The following SNTG1 variants were observed in gnomAD, a reference collection of about 807,000 sequenced individuals.
SNTG1 encodes the protein syntrophin gamma 1.
A neutral mutation model predicts 74.7 loss-of-function variants in SNTG1; 39 were observed. The observed-to-expected ratio is 0.52, with a 90% CI of 0.40 to 0.68. The LOEUF (loss-of-function observed/expected upper bound fraction) is 0.68. Ranked by LOEUF, SNTG1 falls within the 30% of genes least tolerant of loss-of-function variation. The probability of loss-of-function intolerance (pLI) is 0.00; values close to 1 mark genes in which losing one functional copy is unlikely to be tolerated. For missense variants in SNTG1, 685 were observed against 609.5 expected, an observed-to-expected ratio of 1.12 and a Z score of -1.30; for synonymous variants, 254 against 217.1, an observed-to-expected ratio of 1.17 and a Z score of -1.49.
At chr8:50,683,431 A>G (rs1386218193) in intron 15 of SNTG1, among the ~76,000 whole-genome samples, 2 of 152,152 alleles carry the variant, frequency 1.3e-5, no homozygotes, top group African/African-American at 4.8e-5. Flanking sequence ...GCCAGGCCAA[A>G]GATGATATCA....
Position 50,208,276 on chromosome 8 carries a change from A to G in SNTG1, c.-28+35641A>G, listed in dbSNP as rs1237485151. Among the ~76,000 whole-genome samples, 4 of 152,142 alleles carry G rather than the reference A, an allele frequency of 2.6e-5. No homozygotes were observed. In the South Asian group the frequency reaches 8.3e-4, roughly 32 times the overall value. On this transcript the variant is annotated intron_variant, in intron 2 of 18. Transcript: ENST00000642720. ...TATATTGGGTGCATATATATTTAGG[A>G]TAGTTAGCTCTTCTTGTTGAATTGA...
At chr8:50,002,300 G>A (rs951022572) in intron 1 of SNTG1, among the ~76,000 whole-genome samples, 3 of 151,818 alleles carry the variant, frequency 2.0e-5, no homozygotes, top group Non-Finnish European at 4.4e-5. Flanking sequence ...TTTTCTTTCT[G>A]ATTTTCCTTA....
chr8:50,450,808 T>G (rs992338044), intron 8 of SNTG1, 79 bp downstream of exon 8: 2 of 1,358,234 alleles, frequency 1.5e-6, no homozygotes, highest in African/African-American at 2.9e-5. Context: ...GACTGTCACT[T>G]CATTCATTAG....
chr8:50,383,126 C>T (rs1170007092), intron 2 of SNTG1, among the ~76,000 whole-genome samples: 2 of 152,170 alleles, frequency 1.3e-5, no homozygotes, highest in Non-Finnish European at 2.9e-5. Context: ...CAAGTTGACA[C>T]ATAAAAGTAA....
At position 50,125,124 on chromosome 8, in the gene SNTG1, A is replaced by G. The variant is rs886111155; in HGVS notation, c.-102-47437A>G. Among the ~76,000 whole-genome samples the G allele has an allele frequency of 1.4e-5, 2 of 142,362 alleles. 1 individual carries two copies. Among genetic ancestry groups the G allele is most frequent in the Admixed American group, 1.4e-4 (2 of 13,888 alleles). 93.4% of individuals were successfully genotyped at this position (142,362 alleles called of 152,430 possible). On this transcript the variant is annotated intron_variant, in intron 1 of 18. Transcript: ENST00000642720. ...TAGTCCAGAGTTCTGTAAAAAGATT[A>G]TGTGAATACAAAGCAATTACAGAGG...
chr8:50,364,455 C>G (rs1388229477), intron 2 of SNTG1, among the ~76,000 whole-genome samples: 1 of 152,066 alleles, frequency 6.6e-6, no homozygotes, highest in East Asian at 1.9e-4. Flanking sequence ...CTTTTTCTTT[C>G]TTTTTCTTTC....
intron 2 of SNTG1, among the ~76,000 whole-genome samples, chr8:50,180,922 G>A (rs1392135473): frequency 6.6e-6 from 1 of 151,910 alleles, no homozygotes; most frequent in Non-Finnish European, 1.5e-5. Flanking sequence ...CACCATGCCT[G>A]GCTAAATTTT....
At chr8:50,491,218 A>G (rs1368943725) in intron 8 of SNTG1, 2 of 152,328 alleles carry the variant, frequency 1.3e-5, no homozygotes, top group East Asian at 1.9e-4. Context: ...ACAGCCAACA[A>G]TTCAGTATTT....
chr8:50,018,622 A>C (rs1585915898), intron 1 of SNTG1, among the ~76,000 whole-genome samples: 1 of 152,180 alleles, frequency 6.6e-6, no homozygotes, highest in East Asian at 1.9e-4. Context: ...ATGATATCAA[A>C]AGCAAAAAAG....
intron 2 of SNTG1, among the ~76,000 whole-genome samples, chr8:50,185,674 C>CT (rs555253797): frequency 1.3e-5 from 2 of 152,032 alleles, no homozygotes; most frequent in African/African-American, 2.4e-5. Flanking sequence ...GAAATCACAC[C>CT]TTTTTTTACT....
At chr8:50,761,993 G>C (rs1342131229) in intron 18 of SNTG1, among the ~76,000 whole-genome samples, 1 of 151,884 alleles carries the variant, frequency 6.6e-6, no homozygotes, top group South Asian at 2.1e-4. Context: ...AATTACACTG[G>C]CATAGTTAAG....
chr8:50,571,817 G>T (rs1252585382), intron 12 of SNTG1, among the ~76,000 whole-genome samples: 1 of 152,160 alleles, frequency 6.6e-6, no homozygotes, highest in East Asian at 1.9e-4. Context: ...GTGTTAAGCA[G>T]TAGATGAAAG....
rs1816216757 is a variant in SNTG1, at chr8:50,015,383, C to A, written c.-103+103152C>A. Among the ~76,000 whole-genome samples the A allele has an allele frequency of 2.0e-5, 3 of 151,960 alleles. 1 individual carries two copies. The South Asian group carries it at 6.2e-4, about 32-fold the overall frequency. On this transcript the variant is annotated intron_variant, in intron 1 of 18. Coordinates refer to ENST00000642720, the MANE Select transcript of SNTG1 (RefSeq NM_018967.5). ...TGGAAAAACAATGAAGAAACATGAA[C>A]AAAGCCTCAGAGAAAAGTGAGACAC... is the stretch of plus-strand genomic sequence containing the variant.
intron 15 of SNTG1, among the ~76,000 whole-genome samples, chr8:50,688,308 A>T (rs1236200149): frequency 6.6e-6 from 1 of 152,000 alleles, no homozygotes; most frequent in Non-Finnish European, 1.5e-5. Flanking sequence ...TGCTTTTGGT[A>T]TTTTAGACAT....
Position 50,064,640 on chromosome 8 carries a change from A to C in SNTG1, c.-102-107921A>C, listed in dbSNP as rs147276174. 3.5e-3 allele frequency among the ~76,000 whole-genome samples: 535 copies of C among 152,230 alleles called. 4 individuals are homozygous for C. The highest frequency in any genetic ancestry group is 0.012 in the African/African-American group (516 of 41,556). On this transcript the variant is annotated intron_variant, in intron 1 of 18. Coordinates refer to ENST00000642720, the MANE Select transcript of SNTG1 (RefSeq NM_018967.5). ...ACAATCTGGCCCTGCCTACACCTCC[A>C]ACCTCATTTCTCCTGAATATGGGTT...
intron 4 of SNTG1, among the ~76,000 whole-genome samples, chr8:50,402,755 C>T (rs1017336132): frequency 2.6e-5 from 4 of 152,118 alleles, no homozygotes; most frequent in South Asian, 2.1e-4. Flanking sequence ...AATCAGGAGA[C>T]GTTAGGCAGC....
intron 14 of SNTG1, 132 bp downstream of exon 14, chr8:50,657,157 A>T: frequency 2.2e-6 from 1 of 455,576 alleles, no homozygotes; most frequent in East Asian, 3.7e-5. Context: ...AAATCAGTTT[A>T]TCTGATTTAA....
intron 2 of SNTG1, among the ~76,000 whole-genome samples, chr8:50,252,679 A>C (rs555662714): frequency 6.6e-6 from 1 of 152,216 alleles, no homozygotes; most frequent in East Asian, 1.9e-4. Flanking sequence ...GGAGTGGGGA[A>C]ATGCCACGTT....
At chr8:50,572,853 C>G (rs1356245197) in intron 12 of SNTG1, among the ~76,000 whole-genome samples, 1 of 152,102 alleles carries the variant, frequency 6.6e-6, no homozygotes, top group Non-Finnish European at 1.5e-5. Flanking sequence ...CCACACATCT[C>G]TAAAAAATTG....
Sources: allele counts gnomAD v4.1 joint callset (sites outside exome capture counted in the v4.1 genomes callset), GRCh38; gene constraint gnomAD v4.1.1; transcripts MANE v1.5; gene names NCBI Gene and HGNC (gene_info 2026-07-23, HGNC 2026-07-21).